Variants in THSD7A observed in about 807,000 individuals in gnomAD.
THSD7A encodes thrombospondin type-1 domain-containing protein 7A.
In THSD7A, 96 loss-of-function variants were observed where a neutral mutation model predicts 231.3. The observed-to-expected ratio is 0.41, with a 90% CI of 0.35 to 0.49. The LOEUF is 0.49. THSD7A is among the 20% of genes least tolerant of loss of function. The probability of loss-of-function intolerance (pLI) is 0.05; values close to 1 mark genes in which losing one functional copy is unlikely to be tolerated. For synonymous variants in THSD7A, 940 were observed against 743.3 expected, an observed-to-expected ratio of 1.26 and a Z score of -4.30; for missense variants, 2,290 against 2,070.2, an observed-to-expected ratio of 1.11 and a Z score of -2.06.
intron 8 of THSD7A, among the ~76,000 whole-genome samples, chr7:11,473,483 C>A (rs982803471): frequency 6.6e-6 from 1 of 152,072 alleles, no homozygotes; most frequent in Non-Finnish European, 1.5e-5. Context: ...CACTTTTAAA[C>A]CCATGCAAAA....
chr7:11,610,135 A>G (rs995118011), intron 2 of THSD7A, among the ~76,000 whole-genome samples: 1 of 152,168 alleles, frequency 6.6e-6, no homozygotes, highest in Non-Finnish European at 1.5e-5. Flanking sequence ...CTTTTTTAGT[A>G]GTAACTTTCC....
intron 6 of THSD7A, among the ~76,000 whole-genome samples, chr7:11,505,490 G>C (rs1156243855): frequency 1.3e-5 from 2 of 149,582 alleles, no homozygotes; most frequent in East Asian, 3.9e-4. Context: ...GAAGACAAAA[G>C]AAAGAAGGCA....
Position 11,460,759 on chromosome 7 carries a change from C to G in THSD7A, c.2508G>C (p.Lys836Asn). The G allele has an allele frequency of 6.2e-7, 1 of 1,611,298 alleles. No individual in the cohort carries two copies. Among genetic ancestry groups the G allele is most frequent in the Non-Finnish European group, 8.5e-7 (1 of 1,178,772 alleles). ...ATTGGCATCTGCGCCATTTGTGAGT[C>G]TTCCACCTACAAGACAGGAACAGAA... is the stretch of plus-strand genomic sequence containing the variant. ...APQACQSYRW[K>N]THKWRRCQLV... Residue 836 changes from lysine to asparagine, a missense_variant, in exon 11 of 28, where the codon AAG (lysine) becomes AAC (asparagine). Transcript: ENST00000423059.
chr7:11,427,507 C>T (rs1784359415), intron 14 of THSD7A, among the ~76,000 whole-genome samples: 2 of 152,002 alleles, frequency 1.3e-5, no homozygotes, highest in Non-Finnish European at 2.9e-5. Flanking sequence ...ACAACTTGGC[C>T]TGAGGTTTTG....
rs752503946 is a variant in THSD7A at position 11,474,603 on chromosome 7, G to A, written c.2018-35C>T. On this transcript the variant is annotated intron_variant, in intron 7 of 27. Coordinates refer to ENST00000423059, the MANE Select transcript of THSD7A (RefSeq NM_015204.3). This position sits in a 1 kb window ranked among gnomAD's most constrained non-coding sequence, Gnocchi z 4.1. The stretch of plus-strand genomic sequence containing the variant: ...TGGACAATGATAGCAAATTAGATAC[G>A]GTGCCAACAGGAACCTTACCATACT... The A allele has an allele frequency of 1.2e-5, 18 of 1,517,600 alleles. No homozygotes were observed. Among genetic ancestry groups the A allele is most frequent in the East Asian group, 9.2e-5 (4 of 43,264 alleles). The allele number at this position is 1,517,600 out of a possible 1,614,324, so 94.0% of individuals were successfully genotyped here. A position where few individuals can be genotyped will look rare whatever the true frequency, so the allele number is the denominator to read the frequency against.
intron 1 of THSD7A, among the ~76,000 whole-genome samples, chr7:11,759,205 A>G (rs1190375095): frequency 6.6e-6 from 1 of 152,138 alleles, no homozygotes; most frequent in African/African-American, 2.4e-5. Context: ...GCAGAATTAT[A>G]CAACAATAAA....
At chr7:11,509,834 A>AAAAAAAAAAAAAAAAT (rs1562669780) in intron 6 of THSD7A, among the ~76,000 whole-genome samples, 1 of 144,632 alleles carries the variant, frequency 6.9e-6, no homozygotes, top group Non-Finnish European at 1.5e-5. Context: ...AAAAAAAAAA[A>AAAAAAAAAAAAAAAAT]AATAACATCT....
At chr7:11,547,622 C>A (rs139858599) in intron 4 of THSD7A, among the ~76,000 whole-genome samples, 115 of 152,040 alleles carry the variant, frequency 7.6e-4, no homozygotes, top group African/African-American at 2.7e-3. Flanking sequence ...TTAACAAATT[C>A]AAAAAAATAA....
chr7:11,401,267 G>A (rs1783392628), intron 23 of THSD7A, among the ~76,000 whole-genome samples: 1 of 152,020 alleles, frequency 6.6e-6, no homozygotes. Context: ...GCCTTCTTGA[G>A]CTCATAAAAC....
At chr7:11,497,673 C>T (rs767920820) in intron 6 of THSD7A, among the ~76,000 whole-genome samples, 5 of 152,060 alleles carry the variant, frequency 3.3e-5, no homozygotes, top group South Asian at 4.1e-4. Flanking sequence ...CCAAGATAGC[C>T]GACTAGAAGC....
chr7:11,791,755 C>T (rs1221167897), intron 1 of THSD7A, among the ~76,000 whole-genome samples: 2 of 151,838 alleles, frequency 1.3e-5, no homozygotes, highest in African/African-American at 2.4e-5. Context: ...TATTTCCTAC[C>T]TGCTAAAGTC....
At chr7:11,516,927 T>G (rs1583889051) in intron 6 of THSD7A, among the ~76,000 whole-genome samples, 1 of 152,292 alleles carries the variant, frequency 6.6e-6, no homozygotes, top group East Asian at 1.9e-4. Flanking sequence ...CATGGTCATG[T>G]AGACAGAGCC....
chr7:11,553,791 A>G (rs902972599), intron 4 of THSD7A, among the ~76,000 whole-genome samples: 1 of 151,998 alleles, frequency 6.6e-6, no homozygotes, highest in Non-Finnish European at 1.5e-5. Context: ...TCTTGTTTTG[A>G]ATGTTTATGG....
intron 6 of THSD7A, among the ~76,000 whole-genome samples, chr7:11,533,953 T>A (rs184577066): frequency 6.6e-6 from 1 of 152,190 alleles, no homozygotes; most frequent in African/African-American, 2.4e-5. Context: ...CATTTTTGAA[T>A]GGGAGAGTGC....
At position 11,595,346 on chromosome 7, in the gene THSD7A, A is replaced by T. The variant is rs572344037; in HGVS notation, c.1023-1844T>A. On this transcript the variant is annotated intron_variant, in intron 2 of 27. Coordinates refer to ENST00000423059, the MANE Select transcript of THSD7A (RefSeq NM_015204.3). ...AGAACAGGCATGGGAATGGATATTA[A>T]GAGTGTGGGGTAATGGTGGAAGGAA... 2.0e-5 allele frequency among the ~76,000 whole-genome samples: 3 copies of T among 152,290 alleles called. No individual in the cohort carries two copies. The East Asian group carries it at 5.8e-4, about 29-fold the overall frequency.
chr7:11,428,614 C>CT (rs1167621260), intron 14 of THSD7A, among the ~76,000 whole-genome samples: 6 of 152,082 alleles, frequency 3.9e-5, no homozygotes, highest in Non-Finnish European at 8.8e-5. Context: ...TTTGGGGAAA[C>CT]TATAAGAATG....
chr7:11,475,457 G>A (rs934821289), intron 7 of THSD7A, among the ~76,000 whole-genome samples: 4 of 151,876 alleles, frequency 2.6e-5, no homozygotes, highest in African/African-American at 9.7e-5. Flanking sequence ...CTGTGTGGTG[G>A]TCAAGTAGTG....
At chr7:11,465,997 G>C (rs1785690201) in intron 9 of THSD7A, among the ~76,000 whole-genome samples, 1 of 152,098 alleles carries the variant, frequency 6.6e-6, no homozygotes, top group Non-Finnish European at 1.5e-5. Flanking sequence ...ATCTTTATCA[G>C]CATTGATTTT....
intron 6 of THSD7A, among the ~76,000 whole-genome samples, chr7:11,503,166 C>T (rs1381659868): frequency 2.6e-5 from 4 of 152,090 alleles, no homozygotes; most frequent in South Asian, 2.1e-4. Flanking sequence ...TGCACATCTA[C>T]GACCATCTGA....
Sources: gnomAD v4.1 joint callset for allele counts (sites outside exome capture counted in the v4.1 genomes callset) on GRCh38, gnomAD v4.1.1 for gene constraint, Gnocchi (gnomAD v3.1) non-coding constraint, MANE v1.5 for transcripts, NCBI Gene and HGNC (gene_info 2026-07-23, HGNC 2026-07-21) for gene names.